Variants in TMEM132D observed in about 807,000 individuals in gnomAD.
TMEM132D encodes the protein mature OL transmembrane protein.
Under a neutral mutation model 62.3 loss-of-function variants are expected in TMEM132D, and 21 were observed. The ratio of observed to expected loss-of-function variants is 0.34; its 90% confidence interval spans 0.24 to 0.49. TMEM132D has a LOEUF of 0.49. Ranked by LOEUF, TMEM132D falls within the 20% of genes least tolerant of loss-of-function variation. The pLI, the probability that TMEM132D is intolerant of heterozygous loss-of-function variation, is 0.99. For synonymous variants in TMEM132D, 621 were observed against 575.6 expected, an observed-to-expected ratio of 1.08 and a Z score of -1.13; for missense variants, 1,346 against 1,402.8, an observed-to-expected ratio of 0.96 and a Z score of 0.65.
intron 1 of TMEM132D, among the ~76,000 whole-genome samples, chr12:129,739,888 G>A (rs962739781): frequency 5.9e-5 from 9 of 152,172 alleles, no homozygotes; most frequent in South Asian, 2.1e-4. Context: ...TACTGTGCTC[G>A]AGGAGTACCT....
chr12:129,215,217 C>G (rs188253915), intron 4 of TMEM132D, among the ~76,000 whole-genome samples: 2 of 152,154 alleles, frequency 1.3e-5, no homozygotes, highest in Non-Finnish European at 2.9e-5. Flanking sequence ...AAACAGAAAA[C>G]AACATACCAC....
intron 4 of TMEM132D, among the ~76,000 whole-genome samples, chr12:129,236,513 T>TAAAAAAAAAAAA (rs1339723004): frequency 2.1e-5 from 1 of 47,670 alleles, no homozygotes; most frequent in Non-Finnish European, 3.5e-5. Flanking sequence ...AGACTCCATC[T>TAAAAAAAAAAAA]CAAAAAAAAA....
intron 3 of TMEM132D, among the ~76,000 whole-genome samples, chr12:129,364,351 AGTTC>A (rs1255040451): frequency 2.6e-5 from 4 of 152,170 alleles, no homozygotes; most frequent in Admixed American, 1.3e-4. Context: ...TCATTCACGT[AGTTC>A]ATGTGGTACA....
intron 4 of TMEM132D, among the ~76,000 whole-genome samples, chr12:129,273,761 T>A (rs1228822444): frequency 2.0e-5 from 3 of 151,672 alleles, no homozygotes; most frequent in Non-Finnish European, 4.4e-5. Flanking sequence ...TACTGGGGAA[T>A]AGTCGAGTGG....
At chr12:129,553,942 A>T (rs1876976164) in intron 2 of TMEM132D, among the ~76,000 whole-genome samples, 1 of 152,180 alleles carries the variant, frequency 6.6e-6, no homozygotes, top group Admixed American at 6.5e-5. Context: ...CCCATCTCAA[A>T]GGAAACTCTC....
intron 4 of TMEM132D, among the ~76,000 whole-genome samples, chr12:129,328,700 C>A (rs1173618920): frequency 6.6e-6 from 1 of 152,048 alleles, no homozygotes; most frequent in African/African-American, 2.4e-5. Context: ...TATGAGTACA[C>A]CTCCTTGCAT....
At chr12:129,530,240 T>A (rs1319126101) in intron 3 of TMEM132D, among the ~76,000 whole-genome samples, 1 of 152,162 alleles carries the variant, frequency 6.6e-6, no homozygotes, top group Non-Finnish European at 1.5e-5. Flanking sequence ...AAAATAAGGA[T>A]ATTTTCCAAA....
intron 8 of TMEM132D, among the ~76,000 whole-genome samples, chr12:129,077,325 A>AGGGATTCCAGCTGC (rs1174000911): frequency 2.0e-5 from 3 of 152,038 alleles, no homozygotes; most frequent in Non-Finnish European, 4.4e-5. Context: ...TATGGGCCGG[A>AGGGATTCCAGCTGC]GGGATTCCAG....
chr12:129,371,402 TATG>T lies in TMEM132D; in HGVS notation c.1116-33588_1116-33586del, dbSNP rs553035533. Among the ~76,000 whole-genome samples the T allele has an allele frequency of 8.0e-5, 12 of 149,740 alleles. No homozygotes were observed. The highest frequency in any genetic ancestry group is 7.4e-5 in the African/African-American group (3 of 40,568). On this transcript the variant is annotated intron_variant, in intron 3 of 8. Coordinates refer to ENST00000422113, the MANE Select transcript of TMEM132D (RefSeq NM_133448.3). This position sits in a 1 kb window ranked among gnomAD's most constrained non-coding sequence, Gnocchi z 4.3. Reference sequence around the variant, plus strand: ...GATGATGAATGATGATGGTGGTGATTATGATGATGATGATGGTGATAATGGAGA... The same window carrying T: ...GATGATGAATGATGATGGTGGTGATTATGATGATGATGGTGATAATGGAGA...
chr12:129,370,359 C>A (rs900260), intron 3 of TMEM132D, among the ~76,000 whole-genome samples: 58,519 of 151,960 alleles, frequency 0.39, 11,510 homozygotes, highest in African/African-American at 0.43. Flanking sequence ...AAATGAGGCC[C>A]GCCTGTTTGG....
chr12:129,396,276 A>G (rs1354609489), intron 3 of TMEM132D, among the ~76,000 whole-genome samples: 1 of 152,092 alleles, frequency 6.6e-6, no homozygotes, highest in Non-Finnish European at 1.5e-5. Flanking sequence ...ATTGGAGATG[A>G]TGGTTGTGGC....
intron 4 of TMEM132D, among the ~76,000 whole-genome samples, chr12:129,313,462 C>T (rs1040624453): frequency 6.6e-6 from 1 of 152,064 alleles, no homozygotes; most frequent in Non-Finnish European, 1.5e-5. Flanking sequence ...ATAATAGTCT[C>T]CAATCTCATC....
At chr12:129,516,564 T>C (rs1431446161) in intron 3 of TMEM132D, among the ~76,000 whole-genome samples, 2 of 152,184 alleles carry the variant, frequency 1.3e-5, no homozygotes, top group Admixed American at 1.3e-4. Context: ...ACTTATTCAC[T>C]ACCATGAGAA....
chr12:129,653,547 C>T (rs776858477), intron 2 of TMEM132D, among the ~76,000 whole-genome samples: 21 of 152,274 alleles, frequency 1.4e-4, no homozygotes, highest in South Asian at 2.1e-4. Context: ...AAACCAGCAG[C>T]GACTTCAGCA....
At chr12:129,302,607 G>A (rs1289882394) in intron 4 of TMEM132D, among the ~76,000 whole-genome samples, 2 of 152,230 alleles carry the variant, frequency 1.3e-5, no homozygotes, top group East Asian at 3.8e-4. Context: ...CCAGCTTTTG[G>A]GTTGGGCTCA....
intron 3 of TMEM132D, among the ~76,000 whole-genome samples, chr12:129,389,942 G>A (rs893057041): frequency 5.3e-5 from 8 of 152,170 alleles, no homozygotes; most frequent in African/African-American, 1.9e-4. Context: ...CTTCTACCAC[G>A]GGCAGTTTGA....
chr12:129,185,422 C>T (rs1018778485), intron 5 of TMEM132D, among the ~76,000 whole-genome samples: 1 of 152,078 alleles, frequency 6.6e-6, no homozygotes, highest in Non-Finnish European at 1.5e-5. Context: ...ATGTTAAATT[C>T]CCGACTAATG....
At chr12:129,894,881 C>T (rs1434549179) in intron 1 of TMEM132D, among the ~76,000 whole-genome samples, 6 of 152,154 alleles carry the variant, frequency 3.9e-5, no homozygotes, top group South Asian at 2.1e-4. Context: ...GTGTGATCTA[C>T]GTTCAGCATG....
chr12:129,202,356 C>A (rs1052757600), intron 5 of TMEM132D, among the ~76,000 whole-genome samples: 18 of 152,304 alleles, frequency 1.2e-4, no homozygotes, highest in African/African-American at 4.3e-4. Flanking sequence ...GACTCTTTGT[C>A]AACATCTGTG....
Sources: gnomAD v4.1 joint callset for allele counts (sites outside exome capture counted in the v4.1 genomes callset) on GRCh38, gnomAD v4.1.1 for gene constraint, Gnocchi (gnomAD v3.1) non-coding constraint, MANE v1.5 for transcripts, NCBI Gene and HGNC (gene_info 2026-07-23, HGNC 2026-07-21) for gene names.